The following PILRA variants were observed in gnomAD, a reference collection of about 807,000 sequenced individuals.
PILRA encodes the protein paired immunoglobin like type 2 receptor alpha.
Under a neutral mutation model 33.1 loss-of-function variants are expected in PILRA, and 37 were observed. The ratio of observed to expected loss-of-function variants is 1.12; its 90% CI spans 0.86 to 1.47. The LOEUF is 1.47. Among genes scored for constraint, PILRA ranks in the 40% most tolerant of loss-of-function variants. The pLI, the probability that PILRA is intolerant of heterozygous loss-of-function variation, is 0.00. For missense variants in PILRA, 312 were observed against 376.2 expected (o/e 0.83, Z 1.41); for synonymous variants, 146 against 149.9 (o/e 0.97, Z 0.19).
At chr7:100,393,291 A>AG (rs1791424949) in intron 3 of PILRA, among the ~76,000 whole-genome samples, 1 of 152,136 alleles carries the variant, frequency 6.6e-6, no homozygotes, top group South Asian at 2.1e-4. Context: ...AACAAAAAAA[A>AG]AAAAATTAAA....
chr7:100,391,567 G>T (rs747373855), intron 3 of PILRA, among the ~76,000 whole-genome samples: 14 of 152,100 alleles, frequency 9.2e-5, no homozygotes, highest in Non-Finnish European at 1.8e-4. Flanking sequence ...TGCGCCTGTG[G>T]TCCCAGCTAC....
intron 6 of PILRA, 52 bp from the exon 7 acceptor site, chr7:100,399,733 G>A (rs1791613868): frequency 2.5e-6 from 4 of 1,611,694 alleles, no homozygotes; most frequent in Non-Finnish European, 3.4e-6. Flanking sequence ...CGCTAAGATG[G>A]GAACAGCTCC....
intron 2 of PILRA, among the ~76,000 whole-genome samples, chr7:100,384,624 AT>A (rs900416280): frequency 1.3e-4 from 19 of 151,216 alleles, no homozygotes; most frequent in Non-Finnish European, 1.9e-4. Flanking sequence ...CCACAAAAAA[AT>A]TTTTTTTTAA....
chr7:100,382,022 C>T (rs1207935892), intron 2 of PILRA, among the ~76,000 whole-genome samples: 2 of 149,746 alleles, frequency 1.3e-5, no homozygotes, highest in Admixed American at 1.3e-4. Flanking sequence ...CACCCCACCC[C>T]CGTAGGCTCC....
intron 2 of PILRA, among the ~76,000 whole-genome samples, chr7:100,386,238 C>T (rs909168503): frequency 6.6e-6 from 1 of 152,176 alleles, no homozygotes; most frequent in Non-Finnish European, 1.5e-5. Flanking sequence ...AGCTGCTCTT[C>T]GCAGAGCAGG....
intron 3 of PILRA, 43 bp from the exon 4 acceptor site, chr7:100,397,836 A>C: frequency 6.2e-7 from 1 of 1,607,798 alleles, no homozygotes; most frequent in Non-Finnish European, 8.5e-7. Flanking sequence ...GGAGACTGCC[A>C]TCACCCGGAT....
rs761944069 is a variant in PILRA, at chr7:100,397,888, G to A, written c.683G>A (p.Arg228Gln). The A allele has an allele frequency of 1.3e-5, 21 of 1,613,834 alleles. No individual in the cohort carries two copies. Among genetic ancestry groups the A allele is most frequent in the Admixed American group, 6.7e-5 (4 of 59,996 alleles). ...GTTGGTCCCCCTACAGGTCAGCAGCGGACTAAAGCCACAACCCCAGCCAGG... is the reference window on the plus strand; with the variant it reads ...GTTGGTCCCCCTACAGGTCAGCAGCAGACTAAAGCCACAACCCCAGCCAGG... The part of the protein sequence containing the change: ...LRWRRRKGQQ[R>Q]TKATTPAREP... Residue 228 changes from arginine (R) to glutamine (Q), a missense_variant, in exon 4 of 7, where the codon CGG (arginine) becomes CAG (glutamine). Physicochemically the swap from Arg to Gln is conservative, Grantham distance 43. Coordinates refer to ENST00000198536, the MANE Select transcript of PILRA (RefSeq NM_013439.3).
intron 3 of PILRA, among the ~76,000 whole-genome samples, chr7:100,390,592 C>G (rs1430940637): frequency 6.6e-6 from 1 of 152,146 alleles, no homozygotes; most frequent in African/African-American, 2.4e-5. Context: ...GCCTCAAGGA[C>G]TAATTGCTTC....
At chr7:100,392,922 T>C (rs995897445) in intron 3 of PILRA, among the ~76,000 whole-genome samples, 5 of 152,072 alleles carry the variant, frequency 3.3e-5, no homozygotes, top group African/African-American at 1.2e-4. Flanking sequence ...AAATGTGAGA[T>C]TATTTCATAA....
rs1440678576 is a variant in PILRA at position 100,374,107 on chromosome 7, C to T, written c.128C>T (p.Ala43Val). The change falls in exon 2 of 7, where the codon GCC becomes GTC. Residue 43 changes from alanine (A) to valine (V), a missense_variant. Ala to Val is a moderately conservative substitution (Grantham distance 64). Coordinates refer to ENST00000198536, the MANE Select transcript of PILRA (RefSeq NM_013439.3). The stretch of plus-strand genomic sequence containing the variant: ...GTCACTCAACCAAAACACCTCTCAG[C>T]CTCCATGGGTGGCTCTGTGGAAATC... ...YGVTQPKHLS[A>V]SMGGSVEIPF... The T allele has an allele frequency of 1.2e-6, 2 of 1,614,152 alleles. No individual in the cohort carries two copies. The highest frequency in any genetic ancestry group is 1.7e-6 in the Non-Finnish European group (2 of 1,180,012).
intron 2 of PILRA, among the ~76,000 whole-genome samples, chr7:100,377,936 C>T (rs575930792): frequency 4.6e-5 from 7 of 152,138 alleles, no homozygotes; most frequent in Admixed American, 2.0e-4. Flanking sequence ...TCTGGTCAGT[C>T]GATTCTGTTT....
At chr7:100,390,247 C>T (rs1584224521) in intron 3 of PILRA, 141 bp downstream of exon 3, 1 of 691,006 alleles carries the variant, frequency 1.4e-6, no homozygotes, top group East Asian at 2.7e-5. Flanking sequence ...GTGGCCTATG[C>T]TGAGGTGTCT....
chr7:100,376,509 ATCTC>A (rs1021572149), intron 2 of PILRA: 2 of 148,018 alleles, frequency 1.4e-5, no homozygotes, highest in African/African-American at 5.0e-5. Context: ...TTGAGACAAA[ATCTC>A]TCTCTGTCAC....
In PILRA at chr7:100,373,626, G is replaced by T; in HGVS notation, c.-31G>T. 6.2e-7 allele frequency: 1 copy of T among 1,612,946 alleles called. No individual in the cohort carries two copies. The highest frequency in any genetic ancestry group is 8.5e-7 in the Non-Finnish European group (1 of 1,179,770). On this transcript the variant is annotated 5_prime_UTR_variant, in exon 1 of 7. Coordinates refer to ENST00000198536, the MANE Select transcript of PILRA (RefSeq NM_013439.3). ...CTCTCCTGCCTGGACGGCTCTGCTG[G>T]TCTCCCCGTCCCCTGGAGAAGAACA...
At chr7:100,394,283 A>T (rs1331851156) in intron 3 of PILRA, among the ~76,000 whole-genome samples, 1 of 152,176 alleles carries the variant, frequency 6.6e-6, no homozygotes, top group Admixed American at 6.5e-5. Context: ...ACAGTGGCAT[A>T]ATGACAAAAG....
chr7:100,380,981 A>G (rs762760843), intron 2 of PILRA, among the ~76,000 whole-genome samples: 8 of 151,088 alleles, frequency 5.3e-5, no homozygotes, highest in Non-Finnish European at 8.9e-5. Flanking sequence ...CAAAAAAAAC[A>G]AAAACAAAAA....
chr7:100,377,326 C>T (rs1166117529), intron 2 of PILRA, among the ~76,000 whole-genome samples: 5 of 147,646 alleles, frequency 3.4e-5, no homozygotes, highest in African/African-American at 7.5e-5. Context: ...CTGCAAACTC[C>T]GCCTCCCAGG....
chr7:100,388,749 C>CAAAAAA (rs913179599), intron 2 of PILRA, among the ~76,000 whole-genome samples: 2 of 12,816 alleles, frequency 1.6e-4, no homozygotes, highest in African/African-American at 2.0e-4. Context: ...GCCTCCGTCT[C>CAAAAAA]AAAAAAAAAA....
chr7:100,375,076 T>C (rs1352753329), intron 2 of PILRA, among the ~76,000 whole-genome samples: 1 of 152,130 alleles, frequency 6.6e-6, no homozygotes, highest in Non-Finnish European at 1.5e-5. Context: ...CCTCTCTTCC[T>C]GCATCCATCC....
Sources: allele counts gnomAD v4.1 joint callset (sites outside exome capture counted in the v4.1 genomes callset), GRCh38; gene constraint gnomAD v4.1.1; transcripts MANE v1.5; gene names NCBI Gene and HGNC (gene_info 2026-07-23, HGNC 2026-07-21).